The following ZBTB24 variants were observed in gnomAD, a reference collection of about 807,000 sequenced individuals.
ZBTB24 encodes the protein zinc finger and BTB domain-containing protein 24.
In ZBTB24, 32 loss-of-function variants were observed where a neutral mutation model predicts 53.8. The observed-to-expected ratio is 0.60, with a 90% CI of 0.45 to 0.80. The LOEUF is 0.80. ZBTB24 is among the 30% of genes least tolerant of loss of function. The pLI is 0.00. For missense variants in ZBTB24, 722 were observed against 837.1 expected (o/e 0.86, Z 1.70); for synonymous variants, 297 against 306.7 (o/e 0.97, Z 0.33).
At chr6:109,474,148 T>C (rs922364633) in intron 5 of ZBTB24, among the ~76,000 whole-genome samples, 1 of 151,130 alleles carries the variant, frequency 6.6e-6, no homozygotes, top group African/African-American at 2.4e-5. Flanking sequence ...ATAATTCCAG[T>C]AGACAACAGA....
At chr6:109,475,544 A>C in intron 4 of ZBTB24, 62 bp from the exon 5 acceptor site, 1 of 1,574,172 alleles carries the variant, frequency 6.4e-7, no homozygotes. Flanking sequence ...TTCTTCAGTG[A>C]TTTGTGTTAA....
rs1449362614 is a variant in ZBTB24 at position 109,480,844 on chromosome 6, A to G, written c.952+231T>C. On this transcript the variant is annotated intron_variant, in intron 2 of 6. Transcript: ENST00000230122. ...TGGTTGCTTCATCTGTAAACTATGC[A>G]CTTTAGCAACCCTCTCTTACATATG... 9.4e-6 allele frequency: 7 copies of G among 743,530 alleles called. No individual in the cohort carries two copies. The Admixed American group carries it at 3.8e-4, about 40-fold the overall frequency. 46.1% of individuals were successfully genotyped at this position (743,530 alleles called of 1,614,324 possible).
Position 109,462,940 on chromosome 6 carries a change from CATGAG to C in ZBTB24, c.*2906_*2910del, listed in dbSNP as rs1775926327. ...CTAGCAACATCATTTCTCAAGGACA[CATGAG>C]AAGTACTTTCATGTTCACGACATTT... is the stretch of plus-strand genomic sequence containing the variant. On this transcript the variant is annotated 3_prime_UTR_variant, in exon 7 of 7. Transcript: ENST00000230122. 6.6e-6 allele frequency: 1 copy of C among 152,222 alleles called. No individual in the cohort carries two copies. The highest frequency in any genetic ancestry group is 6.5e-5 in the Admixed American group (1 of 15,284). 9.4% of individuals were successfully genotyped at this position (152,222 alleles called of 1,614,324 possible).
chr6:109,470,579 G>C (rs1163512147), intron 5 of ZBTB24, among the ~76,000 whole-genome samples: 1 of 152,200 alleles, frequency 6.6e-6, no homozygotes, highest in Non-Finnish European at 1.5e-5. Flanking sequence ...TGTCCAGCCA[G>C]GCACAACAAT....
chr6:109,474,262 T>C (rs978412493), intron 5 of ZBTB24, among the ~76,000 whole-genome samples: 2 of 152,148 alleles, frequency 1.3e-5, no homozygotes, highest in Admixed American at 6.5e-5. Context: ...AATTTTCCGA[T>C]CTTACATAAA....
rs1776292113 is a variant in ZBTB24, at chr6:109,476,991, C to A, written c.953-61G>T. 2.5e-6 allele frequency: 4 copies of A among 1,581,134 alleles called. No homozygotes were observed. In the African/African-American group the frequency reaches 4.0e-5, roughly 16 times the overall value. ...GAATCCACACATTTTTCTGTCTCTCCCAAATTAAAAAAACAATAAAGGATT... is the reference window on the plus strand; with the variant it reads ...GAATCCACACATTTTTCTGTCTCTCACAAATTAAAAAAACAATAAAGGATT... On this transcript the variant is annotated intron_variant, in intron 2 of 6. Transcript: ENST00000230122.
intron 1 of ZBTB24, among the ~76,000 whole-genome samples, chr6:109,482,377 C>T (rs1178332655): frequency 6.6e-6 from 1 of 152,008 alleles, no homozygotes; most frequent in African/African-American, 2.4e-5. Context: ...GCGGCAGGAG[C>T]ATCACCTGAG....
At chr6:109,468,611 T>C (rs1435410310) in intron 5 of ZBTB24, among the ~76,000 whole-genome samples, 2 of 152,192 alleles carry the variant, frequency 1.3e-5, no homozygotes, top group East Asian at 1.9e-4. Flanking sequence ...CACAATGCTA[T>C]TGCTGCCTCA....
At chr6:109,469,199 T>C (rs1289114222) in intron 5 of ZBTB24, among the ~76,000 whole-genome samples, 1 of 152,260 alleles carries the variant, frequency 6.6e-6, no homozygotes, top group Admixed American at 6.5e-5. Context: ...TATAGCTTTC[T>C]ACATCAGAGC....
At chr6:109,475,352 C>T in intron 5 of ZBTB24, 47 bp downstream of exon 5, 1 of 1,610,932 alleles carries the variant, frequency 6.2e-7, no homozygotes, top group Non-Finnish European at 8.5e-7. Flanking sequence ...CTTCACTCTC[C>T]TGAAAACATC....
chr6:109,472,858 A>G (rs189814026), intron 5 of ZBTB24, among the ~76,000 whole-genome samples: 48 of 152,190 alleles, frequency 3.2e-4, no homozygotes, highest in Non-Finnish European at 5.9e-4. Flanking sequence ...ATCATGAGCG[A>G]ATCACATGAA....
At chr6:109,468,639 T>G (rs1474941197) in intron 5 of ZBTB24, among the ~76,000 whole-genome samples, 2 of 152,136 alleles carry the variant, frequency 1.3e-5, no homozygotes, top group African/African-American at 4.8e-5. Context: ...TATAAGTTAT[T>G]TATTATCCAT....
Position 109,466,572 on chromosome 6 carries a change from C to A in ZBTB24, c.1373G>T (p.Gly458Val), listed in dbSNP as rs1260346906. The change falls in exon 7 of 7, where the codon GGA (glycine) becomes GTA (valine). Residue 458 changes from glycine to valine, a missense_variant and splice_region_variant. Coordinates refer to ENST00000230122, the MANE Select transcript of ZBTB24 (RefSeq NM_014797.3). ...AATGCCACAGGAGTATGGCTTTTCT[C>A]CTCTGTAAGAAAATAAACATTTTAT... is the stretch of plus-strand genomic sequence containing the variant. ...SLQTHIRIHR[G>V]EKPYSCGICG... The A allele has an allele frequency of 6.2e-7, 1 of 1,609,970 alleles. No individual in the cohort carries two copies. Among genetic ancestry groups the A allele is most frequent in the African/African-American group, 1.3e-5 (1 of 74,888 alleles).
chr6:109,480,925 G>A lies in ZBTB24; in HGVS notation c.952+150C>T. On this transcript the variant is annotated intron_variant, in intron 2 of 6. Transcript: ENST00000230122. ...AATGAGGATATTACCCACCTTGCAG[G>A]ATTGTGGAGAAAATTAACTGCAATA... 4 of 1,488,534 alleles carry A rather than the reference G, an allele frequency of 2.7e-6. No homozygotes were observed. In the South Asian group the frequency reaches 4.1e-5, roughly 15 times the overall value. The allele number at this position is 1,488,534 out of a possible 1,614,324, so 92.2% of individuals were successfully genotyped here.
intron 5 of ZBTB24, among the ~76,000 whole-genome samples, chr6:109,469,781 T>C (rs1159714842): frequency 6.6e-6 from 1 of 152,166 alleles, no homozygotes; most frequent in Admixed American, 6.5e-5. Context: ...GACAGGGTGC[T>C]GGATGGGGTG....
Position 109,481,879 on chromosome 6 carries a change from C to T in ZBTB24, c.148G>A (p.Ala50Thr), listed in dbSNP as rs1776425437. 6.2e-7 allele frequency: 1 copy of T among 1,614,104 alleles called. No homozygotes were observed. The highest frequency in any genetic ancestry group is 8.5e-7 in the Non-Finnish European group (1 of 1,180,018). Residue 50 changes from alanine to threonine, a missense_variant, in exon 2 of 7, where the codon GCC becomes ACC. Transcript: ENST00000230122. ...CTGGCAGCAAGTAAGGCTTTGTGGG[C>T]CCGGAAATGTACATTCTCCACGATT... is the stretch of plus-strand genomic sequence containing the variant. The part of the protein sequence containing the change: ...TLIVENVHFR[A>T]HKALLAASSE...
chr6:109,472,254 C>T (rs1776182566), intron 5 of ZBTB24, among the ~76,000 whole-genome samples: 1 of 152,132 alleles, frequency 6.6e-6, no homozygotes, highest in African/African-American at 2.4e-5. Context: ...GTCATAGTTG[C>T]TGCTCTTGAA....
intron 5 of ZBTB24, among the ~76,000 whole-genome samples, chr6:109,468,932 G>GAAAAAAA (rs61250996): frequency 8.3e-6 from 1 of 120,022 alleles, no homozygotes; most frequent in Non-Finnish European, 1.8e-5. Context: ...TGGAAAAAAA[G>GAAAAAAA]AAAAAAAAAA....
At chr6:109,479,985 T>A (rs1484038923) in intron 2 of ZBTB24, among the ~76,000 whole-genome samples, 4 of 147,796 alleles carry the variant, frequency 2.7e-5, no homozygotes, top group African/African-American at 1.0e-4. Flanking sequence ...ATTTCTCAAG[T>A]ATCCACTTTG....
Sources: allele counts gnomAD v4.1 joint callset (sites outside exome capture counted in the v4.1 genomes callset), GRCh38; gene constraint gnomAD v4.1.1; transcripts MANE v1.5; gene names NCBI Gene and HGNC (gene_info 2026-07-23, HGNC 2026-07-21).